Variants in LRRC4C observed in about 807,000 individuals in gnomAD.
LRRC4C encodes the protein leucine-rich repeat-containing protein 4C.
LRRC4C carries 5 observed loss-of-function variants against 33.6 expected under a neutral mutation model. The ratio of observed to expected loss-of-function variants is 0.15; its 90% CI spans 0.08 to 0.31. The LOEUF is 0.31. Among genes scored for constraint, LRRC4C ranks in the 10% least tolerant of loss-of-function variants. The probability of loss-of-function intolerance (pLI) is 1.00; values close to 1 mark genes in which losing one functional copy is unlikely to be tolerated. For synonymous variants in LRRC4C, 329 were observed against 302.0 expected (o/e 1.09, Z -0.93); for missense variants, 560 against 796.7 (o/e 0.70, Z 3.58).
chr11:40,876,697 G>A (rs1308341794), intron 2 of LRRC4C, among the ~76,000 whole-genome samples: 4 of 151,950 alleles, frequency 2.6e-5, no homozygotes, highest in Non-Finnish European at 5.9e-5. Flanking sequence ...GAGGTCAGGA[G>A]ATTGAGACCT....
chr11:40,276,093 A>C (rs1943080128), intron 4 of LRRC4C, among the ~76,000 whole-genome samples: 2 of 152,168 alleles, frequency 1.3e-5, no homozygotes, highest in Non-Finnish European at 2.9e-5. Context: ...AGGGCCTGGC[A>C]CTTATTTTAC....
intron 2 of LRRC4C, among the ~76,000 whole-genome samples, chr11:40,699,236 T>C (rs1163555632): frequency 6.6e-6 from 1 of 152,232 alleles, no homozygotes; most frequent in Non-Finnish European, 1.5e-5. Flanking sequence ...TTCTTTATTC[T>C]CTTGATAGTC....
chr11:40,132,752 C>T (rs575951597), intron 6 of LRRC4C, among the ~76,000 whole-genome samples: 130 of 151,888 alleles, frequency 8.6e-4, no homozygotes, highest in Non-Finnish European at 1.6e-3. Flanking sequence ...AGGATCCTCC[C>T]TCAATAAACA....
chr11:41,169,581 T>C (rs1342628418), intron 1 of LRRC4C, among the ~76,000 whole-genome samples: 1 of 152,200 alleles, frequency 6.6e-6, no homozygotes, highest in Non-Finnish European at 1.5e-5. Flanking sequence ...TTGCAAAATA[T>C]TTTATTTTCC....
chr11:41,419,745 C>A (rs910056429), intron 1 of LRRC4C, among the ~76,000 whole-genome samples: 1 of 151,846 alleles, frequency 6.6e-6, no homozygotes, highest in Non-Finnish European at 1.5e-5. Flanking sequence ...TACTGATGTA[C>A]CACATGCAAA....
intron 3 of LRRC4C, among the ~76,000 whole-genome samples, chr11:40,593,798 C>T (rs1293846651): frequency 2.0e-5 from 3 of 152,112 alleles, no homozygotes; most frequent in African/African-American, 7.2e-5. Flanking sequence ...CTTTTTTCCA[C>T]ATTTTTTAAA....
chr11:40,492,183 C>G (rs1954193983), intron 3 of LRRC4C, among the ~76,000 whole-genome samples: 1 of 152,110 alleles, frequency 6.6e-6, no homozygotes, highest in Admixed American at 6.6e-5. Flanking sequence ...GTTTGCCTGG[C>G]TTGAAAAATT....
At chr11:41,231,831 A>G (rs1466625089) in intron 1 of LRRC4C, among the ~76,000 whole-genome samples, 2 of 151,908 alleles carry the variant, frequency 1.3e-5, no homozygotes, top group Non-Finnish European at 2.9e-5. Context: ...ACATATATGT[A>G]TATATATACA....
intron 1 of LRRC4C, among the ~76,000 whole-genome samples, chr11:41,448,122 GTTTTTTTTTTT>G (rs71063918): frequency 2.1e-5 from 1 of 46,948 alleles, no homozygotes; most frequent in Admixed American, 2.8e-4. Flanking sequence ...GCACACGTCT[GTTTTTTTTTTT>G]TTTTTTTTTG....
Position 40,542,052 on chromosome 11 carries a change from C to CTCTTTCTTTCTTTCTTTCTTTCTT in LRRC4C, c.-270+106089_-270+106090insAAGAAAGAAAGAAAGAAAGAAAGA. Among the ~76,000 whole-genome samples, 4 of 149,376 alleles carry CTCTTTCTTTCTTTCTTTCTTTCTT rather than the reference C, an allele frequency of 2.7e-5. No individual in the cohort carries two copies. In the South Asian group the frequency reaches 8.5e-4, roughly 32 times the overall value. ...TCTCTTTCTCTTTCTTTCTCTTTCTCTCTTTCTTTCTTTCTCTCTCTCTTT... is the reference window on the plus strand; with the variant it reads ...TCTCTTTCTCTTTCTTTCTCTTTCTCTCTTTCTTTCTTTCTTTCTTTCTTTCTTTCTTTCTTTCTCTCTCTCTTT... On this transcript the variant is annotated intron_variant, in intron 3 of 6. Transcript: ENST00000528697.
chr11:40,744,402 G>C (rs185564216), intron 2 of LRRC4C, among the ~76,000 whole-genome samples: 18 of 152,278 alleles, frequency 1.2e-4, no homozygotes, highest in Admixed American at 1.2e-3. Flanking sequence ...CCAGGCAGAT[G>C]CAACAGTAAA....
intron 1 of LRRC4C, among the ~76,000 whole-genome samples, chr11:41,139,237 A>G (rs1205158025): frequency 1.3e-5 from 2 of 152,322 alleles, no homozygotes; most frequent in Non-Finnish European, 2.9e-5. Context: ...ACCAATGGGA[A>G]CAACAGTCAC....
At chr11:40,728,721 T>A (rs1243138962) in intron 2 of LRRC4C, among the ~76,000 whole-genome samples, 2 of 151,164 alleles carry the variant, frequency 1.3e-5, no homozygotes, top group African/African-American at 4.9e-5. Context: ...AGTCATGGAA[T>A]AAACCTAGGT....
In LRRC4C at chr11:40,578,914, C is replaced by T. The variant is rs1473049407; in HGVS notation, c.-270+69228G>A. Among the ~76,000 whole-genome samples, 4 of 152,092 alleles carry T rather than the reference C, an allele frequency of 2.6e-5. No individual in the cohort carries two copies. The East Asian group carries it at 5.8e-4, about 22-fold the overall frequency. Reference sequence around the variant, plus strand: ...CGCCTGTGGTAGGCACATGACACAACGTGTTTGTTAATGTTGTTCTTGATT... The same window carrying T: ...CGCCTGTGGTAGGCACATGACACAATGTGTTTGTTAATGTTGTTCTTGATT... On this transcript the variant is annotated intron_variant, in intron 3 of 6. Transcript: ENST00000528697.
rs184150505 is a variant in LRRC4C, at chr11:40,521,277, T to C, written c.-270+126865A>G. On this transcript the variant is annotated intron_variant, in intron 3 of 6. Coordinates refer to ENST00000528697, the MANE Select transcript of LRRC4C (RefSeq NM_001258419.2). ...AATTTAATTTCAAAAGATGGGTCCA[T>C]GAGACATGAAGCATTGTAATGTAAT... Among the ~76,000 whole-genome samples the C allele has an allele frequency of 2.4e-3, 372 of 152,288 alleles. 2 individuals carry two copies. The highest frequency in any genetic ancestry group is 8.5e-3 in the African/African-American group (355 of 41,564).
intron 3 of LRRC4C, among the ~76,000 whole-genome samples, chr11:40,630,365 C>A (rs1041126045): frequency 8.8e-6 from 1 of 114,118 alleles, no homozygotes; most frequent in South Asian, 2.6e-4. Context: ...TCTTCTTCTT[C>A]TTCTTCTTCT....
At position 41,294,166 on chromosome 11, in the gene LRRC4C, A is replaced by C. The variant is rs770087812; in HGVS notation, c.-496+165265T>G. On this transcript the variant is annotated intron_variant, in intron 1 of 6. Coordinates refer to ENST00000528697, the MANE Select transcript of LRRC4C (RefSeq NM_001258419.2). Reference sequence around the variant, plus strand: ...ATTCTTAGCTCTGGGATCATGCTCAAGTATCTACCCATTTATTTCCCCAAA... The same window carrying C: ...ATTCTTAGCTCTGGGATCATGCTCACGTATCTACCCATTTATTTCCCCAAA... 4.1e-4 allele frequency among the ~76,000 whole-genome samples: 63 copies of C among 152,324 alleles called. 1 individual carries two copies. The highest frequency in any genetic ancestry group is 6.8e-4 in the Non-Finnish European group (46 of 68,020).
intron 1 of LRRC4C, among the ~76,000 whole-genome samples, chr11:41,057,760 G>A (rs1858738316): frequency 6.6e-6 from 1 of 152,048 alleles, no homozygotes; most frequent in African/African-American, 2.4e-5. Flanking sequence ...TTCCCTCTAG[G>A]GTCTCCTCTC....
intron 1 of LRRC4C, among the ~76,000 whole-genome samples, chr11:41,159,971 AG>A (rs1254762214): frequency 2.6e-5 from 4 of 152,138 alleles, no homozygotes; most frequent in African/African-American, 9.7e-5. Context: ...TAACAAAAAA[AG>A]AAAACTCCAG....
Sources: allele counts gnomAD v4.1 joint callset (sites outside exome capture counted in the v4.1 genomes callset), GRCh38; gene constraint gnomAD v4.1.1; transcripts MANE v1.5; gene names NCBI Gene and HGNC (gene_info 2026-07-23, HGNC 2026-07-21).